TRPC5: variants seen among roughly 807,000 people sequenced by gnomAD.
The protein encoded by TRPC5 is transient receptor potential cation channel subfamily C member 5.
Under a neutral mutation model 56.5 loss-of-function variants are expected in TRPC5, and 9 were observed. The ratio of observed to expected loss-of-function variants is 0.16; its 90% confidence interval spans 0.10 to 0.28. The LOEUF (loss-of-function observed/expected upper bound fraction) is 0.28. Among genes scored for constraint, TRPC5 ranks in the 10% least tolerant of loss-of-function variants. TRPC5 has a pLI of 1.00. For synonymous variants in TRPC5, 282 were observed against 278.5 expected (o/e 1.01, Z -0.13); for missense variants, 469 against 748.9 (o/e 0.63, Z 4.36).
chrX:111,842,928 A>G (rs951636078), intron 6 of TRPC5, among the ~76,000 whole-genome samples: 1 of 112,327 alleles, frequency 8.9e-6, no homozygotes, highest in Non-Finnish European at 1.9e-5. Context: ...TAAAGACAAG[A>G]TTACTCTTAG....
chrX:111,895,140 A>C (rs1463236851), intron 3 of TRPC5, among the ~76,000 whole-genome samples: 1 of 111,777 alleles, frequency 8.9e-6, no homozygotes, highest in Non-Finnish European at 1.9e-5. Flanking sequence ...TTACCAGTTA[A>C]CAATTTCACC....
intron 2 of TRPC5, among the ~76,000 whole-genome samples, chrX:111,916,962 G>T (rs7885885): frequency 0.13 from 14,671 of 112,455 alleles, 1,129 homozygotes; most frequent in African/African-American, 0.3. Flanking sequence ...ATGATAAAAG[G>T]CCTCATATGC....
At chrX:112,022,758 A>C (rs1378747807) in intron 1 of TRPC5, among the ~76,000 whole-genome samples, 2 of 111,806 alleles carry the variant, frequency 1.8e-5, no homozygotes, top group Non-Finnish European at 3.8e-5. Flanking sequence ...AAACATGTTA[A>C]TGGCCAGGGG....
intron 1 of TRPC5, among the ~76,000 whole-genome samples, chrX:112,012,004 T>C (rs1412863447): frequency 8.9e-6 from 1 of 112,486 alleles, no homozygotes; most frequent in African/African-American, 3.2e-5. Context: ...TCATGAAAGT[T>C]ATGTAAATGT....
chrX:112,050,955 C>T (rs780148679), intron 1 of TRPC5, among the ~76,000 whole-genome samples: 1 of 112,290 alleles, frequency 8.9e-6, no homozygotes, highest in African/African-American at 3.2e-5. Context: ...GACTATAATC[C>T]AAGTGTGCCA....
intron 2 of TRPC5, among the ~76,000 whole-genome samples, chrX:111,949,452 C>G (rs755869836): frequency 8.9e-6 from 1 of 112,006 alleles, no homozygotes; most frequent in African/African-American, 3.2e-5. Flanking sequence ...TGACAAAGGA[C>G]TAATATCCAG....
intron 1 of TRPC5, among the ~76,000 whole-genome samples, chrX:112,037,214 A>G (rs1459290884): frequency 1.8e-5 from 2 of 111,468 alleles, no homozygotes; most frequent in Non-Finnish European, 3.8e-5. Flanking sequence ...CTATCATCCT[A>G]GGTAATTCCT....
rs1460129704 is a variant in TRPC5 at position 111,768,960 on chromosome X, G to A, written c.*7353C>T. On this transcript the variant is annotated 3_prime_UTR_variant, in exon 11 of 11. Transcript: ENST00000262839. ...GTTTTACAAGGAGGTCCTACAAGGT[G>A]TGGCCACAACATGATGAGGCTATAC... 9.3e-6 allele frequency among the ~76,000 whole-genome samples: 1 copy of A among 107,434 alleles called. No individual in the cohort carries two copies. Among genetic ancestry groups the A allele is most frequent in the African/African-American group, 3.8e-5 (1 of 26,529 alleles). The allele number at this position is 107,434 out of a possible 115,157, so 93.3% of individuals were successfully genotyped here. A position where few individuals can be genotyped will look rare whatever the true frequency, so the allele number is the denominator to read the frequency against.
chrX:111,903,055 A>G (rs1315613359), intron 3 of TRPC5: 3 of 112,011 alleles, frequency 2.7e-5, no homozygotes, highest in Non-Finnish European at 3.8e-5. Flanking sequence ...GGAAGATGCT[A>G]CAACCCCATA....
rs749625832 is a variant in TRPC5 at position 111,996,375 on chromosome X, A to G, written c.-21-43934T>C. ...AGTTTGTTGTGATTTCTGGTCTTTTACCTTTGCTGAGGAGTGCTTTACTTT... is the reference window on the plus strand; with the variant it reads ...AGTTTGTTGTGATTTCTGGTCTTTTGCCTTTGCTGAGGAGTGCTTTACTTT... On this transcript the variant is annotated intron_variant, in intron 1 of 10. Transcript: ENST00000262839. 9.1e-5 allele frequency among the ~76,000 whole-genome samples: 10 copies of G among 110,172 alleles called. No individual in the cohort carries two copies. The South Asian group carries it at 3.1e-3, about 34-fold the overall frequency.
chrX:111,841,767 A>T (rs1379374786), intron 6 of TRPC5, among the ~76,000 whole-genome samples: 1 of 110,898 alleles, frequency 9.0e-6, no homozygotes, highest in Non-Finnish European at 1.9e-5. Flanking sequence ...CTGGAGTGCA[A>T]TGGCACAATC....
intron 1 of TRPC5, among the ~76,000 whole-genome samples, chrX:112,042,260 G>A (rs1481869723): frequency 9.0e-6 from 1 of 111,552 alleles, no homozygotes. Context: ...AGTTTCCCAA[G>A]CAATGTGACA....
chrX:111,999,859 A>G (rs113455097), intron 1 of TRPC5, among the ~76,000 whole-genome samples: 17,507 of 110,900 alleles, frequency 0.16, 3,146 homozygotes, highest in African/African-American at 0.52. Flanking sequence ...CCAGCTACTC[A>G]GGCGGCTGAG....
rs1411060877 is a variant in TRPC5, at chrX:111,854,111, G to GA, written c.901-6dup. On this transcript the variant is annotated splice_region_variant and splice_polypyrimidine_tract_variant and intron_variant, in intron 3 of 10. Transcript: ENST00000262839. ...GCAGTTGGGCTGAGCAACAAACTGG[G>GA]AAAAGAAGAAAACAAGTTAGGCATC... The GA allele has an allele frequency of 1.7e-6, 2 of 1,196,319 alleles. No homozygotes were observed.
chrX:111,981,134 A>C (rs1928071753), intron 1 of TRPC5, among the ~76,000 whole-genome samples: 2 of 110,003 alleles, frequency 1.8e-5, no homozygotes, highest in African/African-American at 3.3e-5. Context: ...CTGGAGACCC[A>C]GGAGAGCTGA....
At chrX:111,912,077 C>T (rs1288198813) in intron 3 of TRPC5, among the ~76,000 whole-genome samples, 2 of 112,154 alleles carry the variant, frequency 1.8e-5, no homozygotes, top group Non-Finnish European at 3.8e-5. Context: ...TGCATGAATG[C>T]TTTTCCACCA....
At chrX:111,898,077 A>G (rs913704896) in intron 3 of TRPC5, among the ~76,000 whole-genome samples, 21 of 109,751 alleles carry the variant, frequency 1.9e-4, no homozygotes, top group African/African-American at 6.6e-4. Flanking sequence ...TAGCCAATCT[A>G]CTGAGTATAT....
At chrX:111,986,944 G>A (rs1928227809) in intron 1 of TRPC5, among the ~76,000 whole-genome samples, 1 of 111,538 alleles carries the variant, frequency 9.0e-6, no homozygotes, top group Non-Finnish European at 1.9e-5. Flanking sequence ...CACTTGACCT[G>A]GGAATTTGAA....
At chrX:111,845,276 G>A (rs1922894310) in intron 6 of TRPC5, among the ~76,000 whole-genome samples, 2 of 111,081 alleles carry the variant, frequency 1.8e-5, no homozygotes, top group Non-Finnish European at 3.8e-5. Flanking sequence ...CCTGAGTTGA[G>A]GCCTTTAAAA....
Sources: allele counts gnomAD v4.1 joint callset (sites outside exome capture counted in the v4.1 genomes callset), GRCh38; gene constraint gnomAD v4.1.1; transcripts MANE v1.5; gene names NCBI Gene and HGNC (gene_info 2026-07-23, HGNC 2026-07-21).